Variants in PRKCE observed in about 807,000 individuals in gnomAD.
PRKCE encodes protein kinase C epsilon type.
A neutral mutation model predicts 85.4 loss-of-function variants in PRKCE; 16 were observed. The ratio of observed to expected loss-of-function variants is 0.19; its 90% CI spans 0.13 to 0.28. The LOEUF (loss-of-function observed/expected upper bound fraction) is 0.28, where lower values mean the gene tolerates loss of function less well. PRKCE is among the 10% of genes least tolerant of loss of function. The pLI is 1.00. For synonymous variants in PRKCE, 388 were observed against 371.5 expected, an observed-to-expected ratio of 1.04 and a Z score of -0.51; for missense variants, 573 against 975.2, an observed-to-expected ratio of 0.59 and a Z score of 5.49.
At chr2:45,826,243 C>G (rs777893981) in intron 1 of PRKCE, among the ~76,000 whole-genome samples, 45 of 152,088 alleles carry the variant, frequency 3.0e-4, no homozygotes, top group Non-Finnish European at 2.6e-4. Flanking sequence ...ATCCAAAATG[C>G]TTAGGGCTAG....
At position 46,094,366 on chromosome 2, in the gene PRKCE, C is replaced by T. The variant is rs937728284; in HGVS notation, c.1592+8004C>T. ...ATAGGAAGTGAAATATTGAGACTTTCCTTTTATATCTAAAATCATCTTTAT... is the reference window on the plus strand; with the variant it reads ...ATAGGAAGTGAAATATTGAGACTTTTCTTTTATATCTAAAATCATCTTTAT... On this transcript the variant is annotated intron_variant, in intron 11 of 14. Transcript: ENST00000306156. Among the ~76,000 whole-genome samples, 3 of 152,114 alleles carry T rather than the reference C, an allele frequency of 2.0e-5. No individual in the cohort carries two copies. In the South Asian group the frequency reaches 6.2e-4, roughly 32 times the overall value.
intron 2 of PRKCE, among the ~76,000 whole-genome samples, chr2:45,900,740 A>G (rs959053388): frequency 6.6e-6 from 1 of 152,256 alleles, no homozygotes; most frequent in African/African-American, 2.4e-5. Context: ...AATGAATTAT[A>G]TACTTAAAAT....
intron 10 of PRKCE, among the ~76,000 whole-genome samples, chr2:46,056,530 G>T (rs1249606613): frequency 2.6e-5 from 4 of 152,142 alleles, no homozygotes; most frequent in Non-Finnish European, 5.9e-5. Flanking sequence ...TTTCTTAAAA[G>T]GTATTGCGTT....
At chr2:45,864,499 T>A (rs76656286) in intron 2 of PRKCE, among the ~76,000 whole-genome samples, 1 of 152,164 alleles carries the variant, frequency 6.6e-6, no homozygotes. Flanking sequence ...AATATTTTTT[T>A]AATGTAAACA....
intron 1 of PRKCE, among the ~76,000 whole-genome samples, chr2:45,716,352 A>G (rs1372203205): frequency 6.6e-6 from 1 of 152,092 alleles, no homozygotes; most frequent in Non-Finnish European, 1.5e-5. Flanking sequence ...CCCTGTGTCT[A>G]CCAAAAATAC....
At chr2:46,142,707 G>A (rs1362210998) in intron 11 of PRKCE, among the ~76,000 whole-genome samples, 2 of 152,234 alleles carry the variant, frequency 1.3e-5, no homozygotes, top group African/African-American at 4.8e-5. Context: ...TGGGGCCAGT[G>A]CAGGGGCAGG....
chr2:45,702,597 T>C (rs944465572), intron 1 of PRKCE, among the ~76,000 whole-genome samples: 3 of 152,234 alleles, frequency 2.0e-5, no homozygotes, highest in African/African-American at 7.2e-5. Flanking sequence ...CCTGGTTCCA[T>C]AAACATTTGT....
chr2:45,702,113 T>TG (rs1175949851), intron 1 of PRKCE, among the ~76,000 whole-genome samples: 1 of 152,072 alleles, frequency 6.6e-6, no homozygotes, highest in Non-Finnish European at 1.5e-5. Context: ...CACTTGAACC[T>TG]GGGAGGCAGA....
intron 10 of PRKCE, among the ~76,000 whole-genome samples, chr2:46,027,791 C>A (rs1707225859): frequency 6.6e-6 from 1 of 152,098 alleles, no homozygotes; most frequent in Admixed American, 6.5e-5. Flanking sequence ...GGTCCCATGG[C>A]CTATTTAGCT....
chr2:45,939,811 C>T (rs1344225986), intron 2 of PRKCE, among the ~76,000 whole-genome samples: 5 of 152,186 alleles, frequency 3.3e-5, no homozygotes, highest in African/African-American at 1.2e-4. Context: ...CCTTGGCCTC[C>T]CAAAGTGCTG....
At chr2:45,932,937 T>A (rs1699150836) in intron 2 of PRKCE, among the ~76,000 whole-genome samples, 1 of 152,246 alleles carries the variant, frequency 6.6e-6, no homozygotes, top group African/African-American at 2.4e-5. Flanking sequence ...GCTCATCCCA[T>A]GTTGTAGCAA....
At chr2:45,878,390 A>G (rs1694633132) in intron 2 of PRKCE, among the ~76,000 whole-genome samples, 2 of 152,342 alleles carry the variant, frequency 1.3e-5, no homozygotes, top group South Asian at 4.1e-4. Flanking sequence ...ACAAAGGTTT[A>G]TTTCCAGTCT....
At chr2:45,791,706 C>G (rs569927138) in intron 1 of PRKCE, among the ~76,000 whole-genome samples, 4 of 152,170 alleles carry the variant, frequency 2.6e-5, no homozygotes, top group South Asian at 2.1e-4. Context: ...TTAAAGACAG[C>G]CTTTCCTTGA....
chr2:46,151,032 C>G lies in PRKCE; in HGVS notation c.1732-9C>G, dbSNP rs1676572618. 1 of 1,594,292 alleles carries G rather than the reference C, an allele frequency of 6.3e-7. No homozygotes were observed. The highest frequency in any genetic ancestry group is 1.3e-5 in the African/African-American group (1 of 74,946). On this transcript the variant is annotated splice_polypyrimidine_tract_variant and intron_variant, in intron 12 of 14. Transcript: ENST00000306156. Reference sequence around the variant, plus strand: ...TGATGGTGCCTGACATTGCTGGTTTCCTGAACAGATCCTGCAGGAGTTGGA... The same window carrying G: ...TGATGGTGCCTGACATTGCTGGTTTGCTGAACAGATCCTGCAGGAGTTGGA...
In PRKCE at chr2:46,159,568, CT is replaced by C; in HGVS notation, c.1921-35del. 6.4e-7 allele frequency: 1 copy of C among 1,557,724 alleles called. No homozygotes were observed. On this transcript the variant is annotated intron_variant, in intron 13 of 14. Coordinates refer to ENST00000306156, the MANE Select transcript of PRKCE (RefSeq NM_005400.3). The surrounding 1 kb of genome is among the most constrained non-coding windows in gnomAD (Gnocchi z 4.1). ...CCCTTATAGCCTGTGCTGGCCAGGCCTTTGTCACTAATTCCGACTCTGTCCT... is the reference window on the plus strand; with the variant it reads ...CCCTTATAGCCTGTGCTGGCCAGGCCTTGTCACTAATTCCGACTCTGTCCT...
intron 11 of PRKCE, among the ~76,000 whole-genome samples, chr2:46,143,460 G>T (rs1388082336): frequency 1.3e-5 from 2 of 152,122 alleles, no homozygotes; most frequent in Non-Finnish European, 2.9e-5. Context: ...AAGAAAGTGA[G>T]TGTGACAATG....
chr2:45,793,147 C>A (rs1273776397), intron 1 of PRKCE, among the ~76,000 whole-genome samples: 1 of 152,208 alleles, frequency 6.6e-6, no homozygotes, highest in Non-Finnish European at 1.5e-5. Flanking sequence ...TTAAGCAGGG[C>A]AGAGAAGAGG....
chr2:45,896,548 C>T (rs962670435), intron 2 of PRKCE, among the ~76,000 whole-genome samples: 4 of 152,118 alleles, frequency 2.6e-5, no homozygotes, highest in Non-Finnish European at 5.9e-5. Flanking sequence ...TTTACATATT[C>T]GAATCAAGAA....
chr2:45,677,321 T>G (rs1278954079), intron 1 of PRKCE, among the ~76,000 whole-genome samples: 1 of 123,098 alleles, frequency 8.1e-6, no homozygotes, highest in African/African-American at 3.2e-5. Context: ...CCAGTGAAGG[T>G]TTTTTTTTTG....
Sources: allele counts gnomAD v4.1 joint callset (sites outside exome capture counted in the v4.1 genomes callset), GRCh38; gene constraint gnomAD v4.1.1; non-coding constraint Gnocchi (gnomAD v3.1); transcripts MANE v1.5; gene names NCBI Gene and HGNC (gene_info 2026-07-23, HGNC 2026-07-21).